LAMP2: variants seen among roughly 807,000 people sequenced by gnomAD.
LAMP2 encodes lysosome associated membrane protein 2.
In LAMP2, 4 loss-of-function variants were observed where a neutral mutation model predicts 25.6. That is an observed-to-expected ratio of 0.16 (90% confidence interval 0.08 to 0.36). The LOEUF (loss-of-function observed/expected upper bound fraction) is 0.36. LAMP2 is among the 10% of genes least tolerant of loss of function. The pLI is 1.00. For missense variants in LAMP2, 272 were observed against 301.4 expected, an observed-to-expected ratio of 0.90 and a Z score of 0.72; for synonymous variants, 108 against 112.7, an observed-to-expected ratio of 0.96 and a Z score of 0.27.
intron 8 of LAMP2, among the ~76,000 whole-genome samples, chrX:120,439,585 G>A (rs2058562436): frequency 9.2e-6 from 1 of 108,396 alleles, no homozygotes; most frequent in Non-Finnish European, 1.9e-5. Context: ...ATTGTAATGT[G>A]CATATATTAT....
At chrX:120,439,167 T>A (rs2058560239) in intron 8 of LAMP2, 1 of 1,209,259 alleles carries the variant, frequency 8.3e-7, no homozygotes, top group Non-Finnish European at 1.1e-6. Flanking sequence ...CAGAGTCTGA[T>A]ATCCAGCATA....
intron 8 of LAMP2, among the ~76,000 whole-genome samples, chrX:120,436,122 G>A (rs1202952255): frequency 2.1e-5 from 2 of 95,341 alleles, no homozygotes; most frequent in African/African-American, 7.9e-5. Context: ...GGTTCAGCAG[G>A]GGAGCTTACA....
intron 8 of LAMP2, chrX:120,438,913 A>C: frequency 1.0e-6 from 1 of 975,982 alleles, no homozygotes. Flanking sequence ...AGAACTTATA[A>C]TCCAGTGATT....
chrX:120,463,719 T>C (rs988086686), intron 1 of LAMP2, among the ~76,000 whole-genome samples: 1 of 110,580 alleles, frequency 9.0e-6, no homozygotes, highest in Non-Finnish European at 1.9e-5. Context: ...TATAACCCTA[T>C]CAGATGTGAC....
chrX:120,463,448 C>T (rs189869230), intron 1 of LAMP2, among the ~76,000 whole-genome samples: 68 of 112,130 alleles, frequency 6.1e-4, no homozygotes, highest in African/African-American at 1.9e-3. Context: ...GTTTGGCACA[C>T]CTCCAGAATT....
At chrX:120,447,051 T>A (rs1420136287) in intron 5 of LAMP2, among the ~76,000 whole-genome samples, 1 of 112,238 alleles carries the variant, frequency 8.9e-6, no homozygotes, top group Admixed American at 9.4e-5. Flanking sequence ...CATTAACACA[T>A]CATGGTTATA....
chrX:120,463,506 T>C (rs1424846427), intron 1 of LAMP2, among the ~76,000 whole-genome samples: 1 of 111,479 alleles, frequency 9.0e-6, no homozygotes, highest in Non-Finnish European at 1.9e-5. Context: ...TAAAGTATAC[T>C]TTTGGGTCTG....
chrX:120,456,760 C>G lies in LAMP2; in HGVS notation c.74G>C (p.Arg25Pro). 1 of 1,100,835 alleles carries G rather than the reference C, an allele frequency of 9.1e-7. No individual in the cohort carries two copies. Among genetic ancestry groups the G allele is most frequent in the African/African-American group, 1.8e-5 (1 of 55,532 alleles). 90.7% of individuals were successfully genotyped at this position (1,100,835 alleles called of 1,213,427 possible). The change falls in exon 2 of 9, where the codon CGG (arginine) becomes CCG (proline). Residue 25 changes from arginine (R) to proline (P), a missense_variant. Physicochemically the swap from Arg to Pro is moderately radical, Grantham distance 103. Transcript: ENST00000200639. The part of the protein sequence containing the change: ...VLVCLVLGAV[R>P]SYALELNLTD... The stretch of plus-strand genomic sequence containing the variant: ...CAAATTAAGTTCCAATGCATAAGAC[C>G]GCACAGCTCCTGGATTCATTTAAAA...
At position 120,442,591 on chromosome X, in the gene LAMP2, T is replaced by A; in HGVS notation, c.928+8A>T. ...CAGTCTTTTTCCCCAGGCCAGTGCT[T>A]TGCTTACCGGAGCCATTAACCAAAT... On this transcript the variant is annotated splice_region_variant and intron_variant, in intron 7 of 8. Coordinates refer to ENST00000200639, the MANE Select transcript of LAMP2 (RefSeq NM_002294.3). 1.7e-6 allele frequency: 2 copies of A among 1,199,104 alleles called. No homozygotes were observed. Among genetic ancestry groups the A allele is most frequent in the Admixed American group, 4.3e-5 (2 of 46,051 alleles).
chrX:120,438,692 T>TCA (rs67522937), intron 8 of LAMP2: 10,202 of 648,457 alleles, frequency 0.016, 50 homozygotes, highest in African/African-American at 0.063. Context: ...CAAACAAAAA[T>TCA]CACACACACA....
In LAMP2 at chrX:120,428,553, A is replaced by C; in HGVS notation, c.*2770T>G. The stretch of plus-strand genomic sequence containing the variant: ...TATAAGAGATAAAGACAACAATTAT[A>C]AGGAAGCCCAAGGCCACACCCACTG... On this transcript the variant is annotated 3_prime_UTR_variant, in exon 9 of 9. Coordinates refer to ENST00000200639, the MANE Select transcript of LAMP2 (RefSeq NM_002294.3). The C allele has an allele frequency of 8.3e-7, 1 of 1,200,646 alleles. No homozygotes were observed. Among genetic ancestry groups the C allele is most frequent in the Non-Finnish European group, 1.1e-6 (1 of 890,438 alleles).
chrX:120,437,593 A>C, intron 8 of LAMP2: 7 of 749,855 alleles, frequency 9.3e-6, no homozygotes, highest in Non-Finnish European at 1.1e-5. Flanking sequence ...TCCTATAAAC[A>C]TTAGGTGGTA....
rs528331236 is a variant in LAMP2, at chrX:120,451,506, C to T, written c.398-2378G>A. On this transcript the variant is annotated intron_variant, in intron 3 of 8. Transcript: ENST00000200639. Reference sequence around the variant, plus strand: ...GTAAGGAAGGGTCTCCCTCTGTTGCCCAGGCTAGAGTGCAGTGGCGTAATC... The same window carrying T: ...GTAAGGAAGGGTCTCCCTCTGTTGCTCAGGCTAGAGTGCAGTGGCGTAATC... Among the ~76,000 whole-genome samples the T allele has an allele frequency of 6.3e-5, 7 of 110,662 alleles. No individual in the cohort carries two copies. In the South Asian group the frequency reaches 2.6e-3, roughly 42 times the overall value.
chrX:120,441,399 G>A lies in LAMP2; in HGVS notation c.1093+331C>T, dbSNP rs750381404. On this transcript the variant is annotated intron_variant, in intron 8 of 8. Transcript: ENST00000200639. ...ATTCAGGTATGAAAATGTTTCCAGT[G>A]AGAAGACGGCCTCAGGAAGCAGATG... Among the ~76,000 whole-genome samples the A allele has an allele frequency of 4.5e-5, 5 of 112,185 alleles. No individual in the cohort carries two copies. The South Asian group carries it at 1.1e-3, about 25-fold the overall frequency.
intron 8 of LAMP2, chrX:120,437,780 A>G: frequency 1.3e-6 from 1 of 753,283 alleles, no homozygotes; most frequent in South Asian, 6.7e-5. Context: ...AGCTGGAAAC[A>G]AAGAACAACT....
At chrX:120,450,911 TA>T (rs2058618337) in intron 3 of LAMP2, among the ~76,000 whole-genome samples, 1 of 109,888 alleles carries the variant, frequency 9.1e-6, no homozygotes, top group Non-Finnish European at 1.9e-5. Flanking sequence ...AAACCCTTAT[TA>T]TATACGTAAC....
rs2058514212 is a variant in LAMP2, at chrX:120,429,524, T to A, written c.*1799A>T. 1.3e-6 allele frequency: 1 copy of A among 746,838 alleles called. No homozygotes were observed. Among genetic ancestry groups the A allele is most frequent in the Admixed American group, 8.9e-5 (1 of 11,250 alleles). 61.5% of individuals were successfully genotyped at this position (746,838 alleles called of 1,213,427 possible). ...CTCTTCTCTTTTCCTCTTATGCTCA[T>A]GATCCCATCTGAGGAGGATTAGGTT... On this transcript the variant is annotated 3_prime_UTR_variant, in exon 9 of 9. Transcript: ENST00000200639.
intron 8 of LAMP2, among the ~76,000 whole-genome samples, chrX:120,439,724 CAT>C (rs771619251): frequency 1.8e-5 from 2 of 110,112 alleles, no homozygotes; most frequent in South Asian, 3.8e-4. Flanking sequence ...TACATACACA[CAT>C]ATATGTTTGT....
At chrX:120,440,810 G>A (rs1344178844) in intron 8 of LAMP2, among the ~76,000 whole-genome samples, 1 of 112,707 alleles carries the variant, frequency 8.9e-6, no homozygotes, top group African/African-American at 3.2e-5. Context: ...TTTTTAAAGT[G>A]TAACTAACGT....
Sources: allele counts gnomAD v4.1 joint callset (sites outside exome capture counted in the v4.1 genomes callset), GRCh38; gene constraint gnomAD v4.1.1; transcripts MANE v1.5; gene names NCBI Gene and HGNC (gene_info 2026-07-23, HGNC 2026-07-21).